The following BRCA2 variants were observed in gnomAD, a reference collection of about 807,000 sequenced individuals.
BRCA2 encodes BRCA2 DNA repair associated.
In BRCA2, 203 loss-of-function variants were observed where a neutral mutation model predicts 276.7. The ratio of observed to expected loss-of-function variants is 0.73; its 90% CI spans 0.65 to 0.82. The LOEUF (loss-of-function observed/expected upper bound fraction) is 0.82, where lower values mean the gene tolerates loss of function less well. BRCA2 is among the 40% of genes least tolerant of loss of function. The pLI is 0.00. For synonymous variants in BRCA2, 1,289 were observed against 1,338.4 expected (o/e 0.96, Z 0.81); for missense variants, 3,920 against 3,915.0 (o/e 1.00, Z -0.03).
At position 32,351,184 on chromosome 13, in the gene BRCA2, T is replaced by A. The variant is rs533669963; in HGVS notation, c.7008-3677T>A. On this transcript the variant is annotated intron_variant, in intron 13 of 26. Transcript: ENST00000380152. The stretch of plus-strand genomic sequence containing the variant: ...TCTTTGCAATGAATCTTGCTGCTGC[T>A]CACTCTTTAGTGAGCACTACCTTTA... Among the ~76,000 whole-genome samples the A allele has an allele frequency of 3.3e-5, 5 of 152,324 alleles. No individual in the cohort carries two copies. The East Asian group carries it at 9.7e-4, about 29-fold the overall frequency.
chr13:32,363,085 T>A (rs2072752193), intron 17 of BRCA2, 94 bp from the exon 18 acceptor site: 1 of 1,039,446 alleles, frequency 9.6e-7, no homozygotes, highest in South Asian at 1.5e-5. Context: ...TTAGATAAAT[T>A]CAGTTTTTAT....
rs760439858 is a variant in BRCA2 at position 32,319,343 on chromosome 13, G to A, written c.316+18G>A. The A allele has an allele frequency of 3.8e-6, 6 of 1,599,152 alleles. No homozygotes were observed. Among genetic ancestry groups the A allele is most frequent in the Non-Finnish European group, 4.3e-6 (5 of 1,167,242 alleles). Reference sequence around the variant, plus strand: ...AGACTTAGGTAAGTAATGCAATATGGTAGACTGGGGAGAACTACAAACTAG... The same window carrying A: ...AGACTTAGGTAAGTAATGCAATATGATAGACTGGGGAGAACTACAAACTAG... On this transcript the variant is annotated intron_variant, in intron 3 of 26. Transcript: ENST00000380152.
rs431825289 is a variant in BRCA2, at chr13:32,336,245, C to A, written c.1910-20C>A. Reference sequence around the variant, plus strand: ...GATTGATGGTACTTTAATTTTGTCACTTTGTGTTTTTATGTTTAGGTTTAT... The same window carrying A: ...GATTGATGGTACTTTAATTTTGTCAATTTGTGTTTTTATGTTTAGGTTTAT... On this transcript the variant is annotated intron_variant, in intron 10 of 26. Transcript: ENST00000380152. The A allele has an allele frequency of 6.3e-7, 1 of 1,593,224 alleles. No individual in the cohort carries two copies. Among genetic ancestry groups the A allele is most frequent in the Non-Finnish European group, 8.5e-7 (1 of 1,172,836 alleles).
At chr13:32,368,014 T>C (rs2072796882) in intron 18 of BRCA2, among the ~76,000 whole-genome samples, 1 of 87,616 alleles carries the variant, frequency 1.1e-5, no homozygotes, top group Non-Finnish European at 2.2e-5. Flanking sequence ...TTTTTTTTTT[T>C]TTTTTTTTTT....
intron 10 of BRCA2, among the ~76,000 whole-genome samples, chr13:32,335,198 A>G (rs1036161951): frequency 6.6e-6 from 1 of 152,076 alleles, no homozygotes; most frequent in Non-Finnish European, 1.5e-5. Flanking sequence ...AACAAAAATT[A>G]TCCAGATGTG....
At chr13:32,380,250 C>A in intron 24 of BRCA2, 105 bp downstream of exon 24, 1 of 1,152,376 alleles carries the variant, frequency 8.7e-7, no homozygotes, top group South Asian at 1.5e-5. Context: ...AATTTGCTAG[C>A]TAACTAGTGA....
intron 26 of BRCA2, 60 bp downstream of exon 26, chr13:32,397,104 T>G: frequency 6.5e-7 from 1 of 1,534,188 alleles, no homozygotes; most frequent in Non-Finnish European, 9.0e-7. Context: ...CATCGTATAT[T>G]CTGTTGTATA....
chr13:32,379,938 T>G (rs1195100543), intron 23 of BRCA2, 25 bp downstream of exon 23: 1 of 1,613,134 alleles, frequency 6.2e-7, no homozygotes, highest in South Asian at 1.1e-5. Context: ...TTGTAATTTT[T>G]CAGTTTTGAT....
chr13:32,349,380 A>G (rs1465423208), intron 13 of BRCA2, among the ~76,000 whole-genome samples: 2 of 152,052 alleles, frequency 1.3e-5, no homozygotes, highest in Non-Finnish European at 2.9e-5. Context: ...CAAAGCATGC[A>G]GAAGGAAACT....
rs1484798037 is a variant in BRCA2 at position 32,336,729 on chromosome 13, T to C, written c.2374T>C (p.Tyr792His). Residue 792 changes from tyrosine to histidine, a missense_variant, in exon 11 of 27, where the codon TAC (tyrosine) becomes CAC (histidine). By Grantham distance (83) the Tyr-to-His change is moderately conservative (BLOSUM62 2). Transcript: ENST00000380152. ...CATGATTTCTAGAGGCAAAGAATCA[T>C]ACAAAATGTCAGACAAGCTCAAAGG... ...LVMISRGKES[Y>H]KMSDKLKGNN... The C allele has an allele frequency of 6.2e-7, 1 of 1,614,008 alleles. No individual in the cohort carries two copies. The highest frequency in any genetic ancestry group is 8.5e-7 in the Non-Finnish European group (1 of 1,179,954).
chr13:32,380,247 T>G, intron 24 of BRCA2, 102 bp downstream of exon 24: 1 of 1,167,724 alleles, frequency 8.6e-7, no homozygotes, highest in Non-Finnish European at 1.2e-6. Context: ...GCAAATTTGC[T>G]AGCTAACTAG....
chr13:32,317,275 A>G lies in BRCA2; in HGVS notation c.67+748A>G, dbSNP rs148591753. Among the ~76,000 whole-genome samples the G allele has an allele frequency of 4.9e-3, 746 of 152,284 alleles. 3 individuals are homozygous for G. The highest frequency in any genetic ancestry group is 9.6e-3 in the Non-Finnish European group (651 of 68,024). On this transcript the variant is annotated intron_variant, in intron 2 of 26. Coordinates refer to ENST00000380152, the MANE Select transcript of BRCA2 (RefSeq NM_000059.4). ...AATAATGAAAGCTAACCCATTGCAT[A>G]TTATCACAACATTCTTAGGAAAAAT...
rs80359679 is a variant in BRCA2 at position 32,357,885 on chromosome 13, CA to C, written c.7762del (p.Ile2588TyrfsTer60). 6.2e-6 allele frequency: 10 copies of C among 1,614,066 alleles called. No individual in the cohort carries two copies. The highest frequency in any genetic ancestry group is 7.6e-6 in the Non-Finnish European group (9 of 1,179,996). ...TACAGTTGGCTGATGGTGGATGGCT[CA>C]TACCCTCCAATGATGGAAAGGCTGG... ...GIQLADGGWL[I>X]PSNDGKAGKE... On this transcript the variant is annotated frameshift_variant, in exon 16 of 27. Transcript: ENST00000380152. LOFTEE classifies it high-confidence loss of function.
rs80358579 is a variant in BRCA2, at chr13:32,337,717, C to A, written c.3362C>A (p.Ser1121Ter). 1 of 1,613,062 alleles carries A rather than the reference C, an allele frequency of 6.2e-7. No individual in the cohort carries two copies. The highest frequency in any genetic ancestry group is 8.5e-7 in the Non-Finnish European group (1 of 1,179,594). ...GAACTTTCTACTATATTAGAAGAAT[C>A]AGGAAGTCAGTTTGAATTTACTCAG... The part of the protein sequence containing the change: ...ITELSTILEE[S>*]GSQFEFTQFR... The change falls in exon 11 of 27, where the codon TCA becomes TAA. Residue 1121 changes from serine (S) to a stop codon, truncating the protein, a stop_gained. Transcript: ENST00000380152. LOFTEE classifies it high-confidence loss of function.
rs556619684 is a variant in BRCA2, at chr13:32,370,052, C to T, written c.8332-350C>T. On this transcript the variant is annotated intron_variant, in intron 18 of 26. Coordinates refer to ENST00000380152, the MANE Select transcript of BRCA2 (RefSeq NM_000059.4). ...GGTGATACCTCATTTCCTATTCTCT[C>T]TAGTTGCCTTTGTCCATGTAGATTT... Among the ~76,000 whole-genome samples, 7 of 152,300 alleles carry T rather than the reference C, an allele frequency of 4.6e-5. No homozygotes were observed. In the East Asian group the frequency reaches 1.3e-3, roughly 29 times the overall value.
In BRCA2 at chr13:32,379,923, T is replaced by A. The variant is rs1566253412; in HGVS notation, c.9117+10T>A. The A allele has an allele frequency of 6.2e-7, 1 of 1,613,128 alleles. No homozygotes were observed. Among genetic ancestry groups the A allele is most frequent in the Non-Finnish European group, 8.5e-7 (1 of 1,179,370 alleles). ...GTATCAACAACTACCGGTACAAACC[T>A]TTCATTGTAATTTTTCAGTTTTGAT... On this transcript the variant is annotated intron_variant, in intron 23 of 26. Coordinates refer to ENST00000380152, the MANE Select transcript of BRCA2 (RefSeq NM_000059.4).
chr13:32,337,607 T>C lies in BRCA2; in HGVS notation c.3252T>C (p.Ser1084=), dbSNP rs1060502412. The C allele has an allele frequency of 1.3e-6, 2 of 1,591,930 alleles. No individual in the cohort carries two copies. Among genetic ancestry groups the C allele is most frequent in the Non-Finnish European group, 1.7e-6 (2 of 1,169,724 alleles). The change falls in exon 11 of 27, where the codon AGT becomes AGC. Residue 1084 remains serine, a synonymous_variant. Transcript: ENST00000380152. ...SSVVVSDCKN[S]HITPQMLFSK... Reference sequence around the variant, plus strand: ...TAGTTGTTTCTGATTGTAAAAATAGTCATATAACCCCTCAGATGTTATTTT... The same window carrying C: ...TAGTTGTTTCTGATTGTAAAAATAGCCATATAACCCCTCAGATGTTATTTT...
At chr13:32,376,918 A>G in intron 21 of BRCA2, 127 bp downstream of exon 21, 1 of 1,362,172 alleles carries the variant, frequency 7.3e-7, no homozygotes, top group Non-Finnish European at 1.0e-6. Context: ...GGATGTGTAC[A>G]TTTCTGGGAT....
rs81002874 is a variant in BRCA2, at chr13:32,363,178, G to C, written c.7977-1G>C. The C allele has an allele frequency of 3.1e-6, 5 of 1,612,350 alleles. No homozygotes were observed. Among genetic ancestry groups the C allele is most frequent in the Non-Finnish European group, 4.2e-6 (5 of 1,179,106 alleles). ...ATATGCATTTTTGTTTTCACTTTTAGATATGATACGGAAATTGATAGAAGC... is the reference window on the plus strand; with the variant it reads ...ATATGCATTTTTGTTTTCACTTTTACATATGATACGGAAATTGATAGAAGC... On this transcript the variant is annotated splice_acceptor_variant, in intron 17 of 26. Coordinates refer to ENST00000380152, the MANE Select transcript of BRCA2 (RefSeq NM_000059.4). LOFTEE classifies it high-confidence loss of function.
Sources: gnomAD v4.1 joint callset for allele counts (sites outside exome capture counted in the v4.1 genomes callset) on GRCh38, gnomAD v4.1.1 for gene constraint, MANE v1.5 for transcripts, NCBI Gene and HGNC (gene_info 2026-07-23, HGNC 2026-07-21) for gene names.